Variants in GRIA4 observed in about 807,000 individuals in gnomAD.
GRIA4 encodes the protein glutamate ionotropic receptor AMPA type subunit 4.
Under a neutral mutation model 104.0 loss-of-function variants are expected in GRIA4, and 34 were observed. The observed-to-expected ratio is 0.33, with a 90% confidence interval of 0.25 to 0.44. The LOEUF is 0.44. Among genes scored for constraint, GRIA4 ranks in the 20% least tolerant of loss-of-function variants. GRIA4 has a pLI of 1.00. For missense variants in GRIA4, 750 were observed against 1,096.5 expected (o/e 0.68, Z 4.46); for synonymous variants, 386 against 381.9 (o/e 1.01, Z -0.13).
At chr11:105,869,123 C>T (rs1945528059) in intron 5 of GRIA4, among the ~76,000 whole-genome samples, 1 of 151,990 alleles carries the variant, frequency 6.6e-6, no homozygotes, top group African/African-American at 2.4e-5. Flanking sequence ...AGCCATACCT[C>T]ATTTTCTTAT....
At chr11:105,803,439 T>C (rs1942806260) in intron 4 of GRIA4, among the ~76,000 whole-genome samples, 1 of 151,954 alleles carries the variant, frequency 6.6e-6, no homozygotes, top group Non-Finnish European at 1.5e-5. Flanking sequence ...TAAAATTTTA[T>C]ATAGATGAGA....
chr11:105,616,957 AG>A (rs1409261338), intron 3 of GRIA4, among the ~76,000 whole-genome samples: 4 of 151,680 alleles, frequency 2.6e-5, no homozygotes, highest in African/African-American at 9.6e-5. Context: ...CTTAAGTGAT[AG>A]GATGATGCAT....
chr11:105,644,493 A>G (rs1951467490), intron 3 of GRIA4, among the ~76,000 whole-genome samples: 1 of 151,746 alleles, frequency 6.6e-6, no homozygotes, highest in African/African-American at 2.4e-5. Flanking sequence ...AGTCCCAGCT[A>G]TTCAGGTGGC....
At chr11:105,859,683 T>G (rs1398238975) in intron 4 of GRIA4, among the ~76,000 whole-genome samples, 3 of 152,070 alleles carry the variant, frequency 2.0e-5, no homozygotes, top group African/African-American at 7.2e-5. Context: ...GAGAAGACTA[T>G]TTCTATGTGT....
intron 4 of GRIA4, among the ~76,000 whole-genome samples, chr11:105,794,490 TATATATATATATATATATATATAC>T (rs1942383865): frequency 8.7e-6 from 1 of 115,522 alleles, no homozygotes; most frequent in East Asian, 2.5e-4. Context: ...TATATATATA[TATATATATATATATATATATATAC>T]ATATACACAC....
At chr11:105,749,614 C>A (rs1198641282) in intron 3 of GRIA4, among the ~76,000 whole-genome samples, 2 of 152,074 alleles carry the variant, frequency 1.3e-5, no homozygotes, top group Non-Finnish European at 2.9e-5. Flanking sequence ...AACTACAAAT[C>A]CTCACAAATT....
chr11:105,618,386 A>T (rs1950654707), intron 3 of GRIA4, among the ~76,000 whole-genome samples: 1 of 152,068 alleles, frequency 6.6e-6, no homozygotes, highest in Admixed American at 6.6e-5. Flanking sequence ...ATTTACAATG[A>T]TGGCTGCTGA....
intron 14 of GRIA4, among the ~76,000 whole-genome samples, chr11:105,958,031 T>C (rs1948636394): frequency 6.6e-6 from 1 of 152,214 alleles, no homozygotes; most frequent in African/African-American, 2.4e-5. Context: ...TGGGGTTTTC[T>C]AAATATACAA....
At chr11:105,916,098 C>G (rs1236719884) in intron 10 of GRIA4, among the ~76,000 whole-genome samples, 2 of 152,074 alleles carry the variant, frequency 1.3e-5, no homozygotes, top group Non-Finnish European at 2.9e-5. Context: ...GCAGGAGAAT[C>G]GCTTGAACCC....
chr11:105,648,916 C>T (rs116967233), intron 3 of GRIA4, among the ~76,000 whole-genome samples: 2,260 of 152,268 alleles, frequency 0.015, 19 homozygotes, highest in Middle Eastern at 0.024. Context: ...ACTAGAGAAG[C>T]TAACGGATTT....
At chr11:105,612,465 A>G in intron 3 of GRIA4, 31 bp downstream of exon 3, 1 of 1,593,116 alleles carries the variant, frequency 6.3e-7, no homozygotes, top group Non-Finnish European at 8.6e-7. Context: ...GAAAAATTAG[A>G]AGAGAACTGA....
chr11:105,662,793 G>A (rs1952052047), intron 3 of GRIA4, among the ~76,000 whole-genome samples: 2 of 151,768 alleles, frequency 1.3e-5, no homozygotes, highest in South Asian at 4.1e-4. Flanking sequence ...AAAAGCCAGT[G>A]GTTAAAAAGC....
intron 4 of GRIA4, among the ~76,000 whole-genome samples, chr11:105,854,224 C>CT (rs2135996425): frequency 1.3e-5 from 2 of 152,082 alleles, no homozygotes; most frequent in African/African-American, 4.8e-5. Flanking sequence ...GAAAGTAAAG[C>CT]AGAGAAGAGG....
chr11:105,766,370 A>C (rs1207511972), intron 4 of GRIA4, among the ~76,000 whole-genome samples: 4 of 152,182 alleles, frequency 2.6e-5, no homozygotes. Context: ...TTATCTATGC[A>C]TGGTAGTTGA....
At chr11:105,966,065 A>G (rs1442929435) in intron 14 of GRIA4, 1 of 1,582,230 alleles carries the variant, frequency 6.3e-7, no homozygotes, top group African/African-American at 1.3e-5. Flanking sequence ...CTCCAAGGTT[A>G]GCCTCAATGT....
intron 3 of GRIA4, among the ~76,000 whole-genome samples, chr11:105,672,394 C>G (rs1436681298): frequency 6.6e-6 from 1 of 152,060 alleles, no homozygotes; most frequent in East Asian, 1.9e-4. Flanking sequence ...AAGGCAAGAA[C>G]ACTTTATTTA....
At chr11:105,651,337 T>TC (rs1951680935) in intron 3 of GRIA4, among the ~76,000 whole-genome samples, 1 of 148,252 alleles carries the variant, frequency 6.7e-6, no homozygotes, top group African/African-American at 2.5e-5. Context: ...TGCACTTATT[T>TC]CTGAATCTGT....
At chr11:105,688,287 G>A (rs1384320612) in intron 3 of GRIA4, among the ~76,000 whole-genome samples, 2 of 152,078 alleles carry the variant, frequency 1.3e-5, no homozygotes, top group Non-Finnish European at 2.9e-5. Context: ...GGCTGGGCAC[G>A]GCGGCTCACA....
At chr11:105,674,122 T>C (rs1952461895) in intron 3 of GRIA4, among the ~76,000 whole-genome samples, 1 of 152,046 alleles carries the variant, frequency 6.6e-6, no homozygotes, top group Non-Finnish European at 1.5e-5. Context: ...TATGTGGAAC[T>C]GGATAGTGAG....
Sources: allele counts gnomAD v4.1 joint callset (sites outside exome capture counted in the v4.1 genomes callset), GRCh38; gene constraint gnomAD v4.1.1; transcripts MANE v1.5; gene names NCBI Gene and HGNC (gene_info 2026-07-23, HGNC 2026-07-21).